Variants in SLC9A2 observed in about 807,000 individuals in gnomAD.
SLC9A2 encodes sodium/hydrogen exchanger 2.
A neutral mutation model predicts 71.7 loss-of-function variants in SLC9A2; 42 were observed. That is an observed-to-expected ratio of 0.59 (90% confidence interval 0.46 to 0.76). The LOEUF is 0.76. Among genes scored for constraint, SLC9A2 ranks in the 30% least tolerant of loss-of-function variants. The probability of loss-of-function intolerance (pLI) is 0.00; values close to 1 mark genes in which losing one functional copy is unlikely to be tolerated. For synonymous variants in SLC9A2, 396 were observed against 392.5 expected (o/e 1.01, Z -0.10); for missense variants, 829 against 1,017.4 (o/e 0.81, Z 2.52).
intron 5 of SLC9A2, among the ~76,000 whole-genome samples, chr2:102,692,544 G>T (rs1006143284): frequency 2.0e-5 from 3 of 152,150 alleles, no homozygotes; most frequent in South Asian, 2.1e-4. Context: ...CACCAAGCAA[G>T]AAACTTGGGA....
At position 102,684,354 on chromosome 2, in the gene SLC9A2, T is replaced by C; in HGVS notation, c.1425+18T>C. On this transcript the variant is annotated intron_variant, in intron 5 of 11. Coordinates refer to ENST00000233969, the MANE Select transcript of SLC9A2 (RefSeq NM_003048.6). ...TCATTCTGGTAAGTAGAGTGATCCCTTTACCAGGAGGGTAAAAAATATCGT... is the reference window on the plus strand; with the variant it reads ...TCATTCTGGTAAGTAGAGTGATCCCCTTACCAGGAGGGTAAAAAATATCGT... The C allele has an allele frequency of 6.3e-7, 1 of 1,599,572 alleles. No individual in the cohort carries two copies. Among genetic ancestry groups the C allele is most frequent in the Non-Finnish European group, 8.6e-7 (1 of 1,166,640 alleles).
At chr2:102,634,795 G>A (rs1011794256) in intron 1 of SLC9A2, among the ~76,000 whole-genome samples, 1 of 152,012 alleles carries the variant, frequency 6.6e-6, no homozygotes, top group African/African-American at 2.4e-5. Context: ...TTCTTGTCTT[G>A]GAAAATGAAA....
At chr2:102,688,061 C>G (rs575773228) in intron 5 of SLC9A2, among the ~76,000 whole-genome samples, 2 of 152,178 alleles carry the variant, frequency 1.3e-5, no homozygotes, top group African/African-American at 4.8e-5. Context: ...ATTACAAGCG[C>G]GAGCACCACC....
intron 10 of SLC9A2, among the ~76,000 whole-genome samples, chr2:102,704,969 A>G (rs573613797): frequency 5.7e-4 from 87 of 152,240 alleles, no homozygotes; most frequent in Admixed American, 1.5e-3. Flanking sequence ...GCCGAAGCCG[A>G]GGCAGGTGGA....
chr2:102,680,388 G>A (rs1305149330), intron 3 of SLC9A2, among the ~76,000 whole-genome samples: 1 of 152,096 alleles, frequency 6.6e-6, no homozygotes, highest in Non-Finnish European at 1.5e-5. Flanking sequence ...TCAGAAATGC[G>A]GGTAACCAGT....
rs1048816635 is a variant in SLC9A2, at chr2:102,704,827, A to G, written c.1977+152A>G. 25 of 718,632 alleles carry G rather than the reference A, an allele frequency of 3.5e-5. No homozygotes were observed. The African/African-American group carries it at 4.3e-4, about 12-fold the overall frequency. The allele number at this position is 718,632 out of a possible 1,614,324, so 44.5% of individuals were successfully genotyped here. A position where few individuals can be genotyped will look rare whatever the true frequency, so the allele number is the denominator to read the frequency against. The stretch of plus-strand genomic sequence containing the variant: ...AAGGCTGGGGTGGCCGGGGGAAGTG[A>G]GTGTTCACAGGTATTGTGGCCAGCA... On this transcript the variant is annotated intron_variant, in intron 10 of 11. Transcript: ENST00000233969.
chr2:102,682,192 C>A (rs1407743683), intron 3 of SLC9A2, among the ~76,000 whole-genome samples: 1 of 152,198 alleles, frequency 6.6e-6, no homozygotes, highest in Non-Finnish European at 1.5e-5. Flanking sequence ...TAATGAAATT[C>A]TTTTGATACT....
At chr2:102,623,857 C>G (rs1488956838) in intron 1 of SLC9A2, among the ~76,000 whole-genome samples, 1 of 152,074 alleles carries the variant, frequency 6.6e-6, no homozygotes, top group East Asian at 1.9e-4. Context: ...ATCCGAATAA[C>G]ATTTGTAGGG....
At chr2:102,701,336 C>A (rs937830767) in intron 8 of SLC9A2, 105 bp downstream of exon 8, 2 of 857,814 alleles carry the variant, frequency 2.3e-6, no homozygotes, top group African/African-American at 1.8e-5. Context: ...AATTGATCCG[C>A]CCCCCTCGGC....
rs768955553 is a variant in SLC9A2 at position 102,708,524 on chromosome 2, C to T, written c.*35C>T. 5.0e-6 allele frequency: 8 copies of T among 1,588,968 alleles called. No individual in the cohort carries two copies. Among genetic ancestry groups the T allele is most frequent in the Non-Finnish European group, 6.9e-6 (8 of 1,167,614 alleles). On this transcript the variant is annotated 3_prime_UTR_variant, in exon 12 of 12. Coordinates refer to ENST00000233969, the MANE Select transcript of SLC9A2 (RefSeq NM_003048.6). ...CGAAAGCAGATCTGAGTGTCTGACCCAGGACAGCTGTGGTTTGTCACTCTG... is the reference window on the plus strand; with the variant it reads ...CGAAAGCAGATCTGAGTGTCTGACCTAGGACAGCTGTGGTTTGTCACTCTG...
chr2:102,632,683 C>A lies in SLC9A2; in HGVS notation c.289+12546C>A, dbSNP rs140371634. ...CTCTGTTATGACTGTGACACACATA[C>A]TTTCCAGGTGAGTTTCATGTTATGG... is the stretch of plus-strand genomic sequence containing the variant. On this transcript the variant is annotated intron_variant, in intron 1 of 11. Coordinates refer to ENST00000233969, the MANE Select transcript of SLC9A2 (RefSeq NM_003048.6). Among the ~76,000 whole-genome samples, 389 of 152,242 alleles carry A rather than the reference C, an allele frequency of 2.6e-3. 1 individual carries two copies. Among genetic ancestry groups the A allele is most frequent in the African/African-American group, 8.2e-3 (342 of 41,544 alleles).
rs920067568 is a variant in SLC9A2 at position 102,708,378 on chromosome 2, G to A, written c.2328G>A (p.Glu776=). 3 of 1,614,228 alleles carry A rather than the reference G, an allele frequency of 1.9e-6. No homozygotes were observed. The highest frequency in any genetic ancestry group is 2.5e-6 in the Non-Finnish European group (3 of 1,180,044). The change falls in exon 12 of 12, where the codon GAG becomes GAA. Residue 776 remains glutamate (E), a synonymous_variant. Transcript: ENST00000233969. ...PLLSKDQSGS[E]REDSLTEGIP... ...TCTCTAAAGACCAGTCTGGCTCAGA[G>A]AGGGAAGACAGTTTGACTGAAGGCA...
At chr2:102,633,539 GA>G (rs1383243919) in intron 1 of SLC9A2, among the ~76,000 whole-genome samples, 1 of 152,220 alleles carries the variant, frequency 6.6e-6, no homozygotes, top group African/African-American at 2.4e-5. Context: ...GTGATTCTGT[GA>G]GGACGAATCA....
At chr2:102,674,135 A>T (rs1677306112) in intron 3 of SLC9A2, among the ~76,000 whole-genome samples, 1 of 152,136 alleles carries the variant, frequency 6.6e-6, no homozygotes, top group African/African-American at 2.4e-5. Context: ...CTGAAATGAA[A>T]TGTACACTTA....
At chr2:102,669,438 T>A (rs751842421) in intron 3 of SLC9A2, among the ~76,000 whole-genome samples, 4 of 152,216 alleles carry the variant, frequency 2.6e-5, no homozygotes, top group African/African-American at 9.6e-5. Flanking sequence ...GGGAAATGTG[T>A]GTGTGTGTGC....
In SLC9A2 at chr2:102,619,763, C is replaced by A. The variant is rs1000756717; in HGVS notation, c.-86C>A. 7.8e-7 allele frequency: 1 copy of A among 1,279,104 alleles called. No individual in the cohort carries two copies. The highest frequency in any genetic ancestry group is 1.0e-6 in the Non-Finnish European group (1 of 965,040). 79.2% of individuals were successfully genotyped at this position (1,279,104 alleles called of 1,614,324 possible). On this transcript the variant is annotated 5_prime_UTR_variant, in exon 1 of 12. Transcript: ENST00000233969. This position sits in a 1 kb window ranked among gnomAD's most constrained non-coding sequence, Gnocchi z 4.3. ...CTGCCCTGCCCTGCACGGGGCAGGG[C>A]GGAGCGGGCTGAGCAGCCCGGGCGC...
intron 1 of SLC9A2, among the ~76,000 whole-genome samples, chr2:102,644,085 T>C (rs4851623): frequency 6.6e-6 from 1 of 151,570 alleles, no homozygotes; most frequent in African/African-American, 2.4e-5. Context: ...TCCCAGCAAG[T>C]CCAATGCAGA....
intron 10 of SLC9A2, among the ~76,000 whole-genome samples, chr2:102,705,083 G>A (rs1286464501): frequency 6.6e-6 from 1 of 151,928 alleles, no homozygotes; most frequent in Admixed American, 6.6e-5. Context: ...GCGTGCGCTT[G>A]TAATCCCAGC....
At chr2:102,658,058 C>T in intron 2 of SLC9A2, 31 bp downstream of exon 2, 1 of 1,529,608 alleles carries the variant, frequency 6.5e-7, no homozygotes. Flanking sequence ...ATGACTCCAA[C>T]AGGTGGGGGC....
Sources: gnomAD v4.1 joint callset for allele counts (sites outside exome capture counted in the v4.1 genomes callset) on GRCh38, gnomAD v4.1.1 for gene constraint, Gnocchi (gnomAD v3.1) non-coding constraint, MANE v1.5 for transcripts, NCBI Gene and HGNC (gene_info 2026-07-23, HGNC 2026-07-21) for gene names.